The following SLC46A1 variants were observed in gnomAD, a reference collection of about 807,000 sequenced individuals.
The protein encoded by SLC46A1 is proton-coupled folate transporter.
A neutral mutation model predicts 32.1 loss-of-function variants in SLC46A1; 17 were observed. The ratio of observed to expected loss-of-function variants is 0.53; its 90% CI spans 0.36 to 0.79. The LOEUF (loss-of-function observed/expected upper bound fraction) is 0.79. Ranked by LOEUF, SLC46A1 falls within the 30% of genes least tolerant of loss-of-function variation. The pLI is 0.00. For synonymous variants in SLC46A1, 240 were observed against 262.7 expected, an observed-to-expected ratio of 0.91 and a Z score of 0.84; for missense variants, 517 against 588.2, an observed-to-expected ratio of 0.88 and a Z score of 1.25.
At position 28,406,056 on chromosome 17, in the gene SLC46A1, A is replaced by G. The variant is rs1201319484; in HGVS notation, c.59T>C (p.Leu20Pro). The G allele has an allele frequency of 7.5e-6, 12 of 1,601,896 alleles. No homozygotes were observed. The highest frequency in any genetic ancestry group is 1.0e-5 in the Non-Finnish European group (12 of 1,176,008). The change falls in exon 1 of 5, where the codon CTG becomes CCG. Residue 20 changes from leucine (L) to proline (P), a missense_variant. By Grantham distance (98) the Leu-to-Pro change is moderately conservative (BLOSUM62 -3). Transcript: ENST00000612814. The surrounding 1 kb of genome is among the most constrained non-coding windows in gnomAD (Gnocchi z 4.5). ...CAGCGGCTCTACCGGGCCCCGGCAC[A>G]GCACGGCAGCCGCAGGGCGGGCGCG... ...KPRARPAAAVLCRGPVEPLVF... is the reference protein window; with the variant it reads ...KPRARPAAAVPCRGPVEPLVF...
rs1216351372 is a variant in SLC46A1, at chr17:28,395,088, G to A, written c.*4568C>T. 2 of 151,652 alleles carry A rather than the reference G, an allele frequency of 1.3e-5. No homozygotes were observed. Among genetic ancestry groups the A allele is most frequent in the African/African-American group, 4.8e-5 (2 of 41,262 alleles). 9.4% of individuals were successfully genotyped at this position (151,652 alleles called of 1,614,324 possible). On this transcript the variant is annotated 3_prime_UTR_variant, in exon 5 of 5. Transcript: ENST00000612814. Reference sequence around the variant, plus strand: ...ACTCAGGCTGCAGAGACCAATTCCTGTCAAGGCTCAGAATAACTTAAAGTT... The same window carrying A: ...ACTCAGGCTGCAGAGACCAATTCCTATCAAGGCTCAGAATAACTTAAAGTT...
chr17:28,402,138 G>C (rs1369934181), intron 3 of SLC46A1, 100 bp downstream of exon 3: 3 of 1,012,336 alleles, frequency 3.0e-6, no homozygotes, highest in Admixed American at 2.4e-5. Flanking sequence ...AGGGTGAGAG[G>C]GGGGAAGGCA....
rs2142443144 is a variant in SLC46A1 at position 28,395,910 on chromosome 17, T to C, written c.*3746A>G. 1 of 1,613,776 alleles carries C rather than the reference T, an allele frequency of 6.2e-7. No individual in the cohort carries two copies. The highest frequency in any genetic ancestry group is 8.5e-7 in the Non-Finnish European group (1 of 1,179,844). ...CCTTTCCTTTCTTTCTCCAGGAGATTGTGACTGCTTTAAGCTGCGGCAAGA... is the reference window on the plus strand; with the variant it reads ...CCTTTCCTTTCTTTCTCCAGGAGATCGTGACTGCTTTAAGCTGCGGCAAGA... On this transcript the variant is annotated 3_prime_UTR_variant, in exon 5 of 5. Transcript: ENST00000612814.
At chr17:28,402,934 C>T (rs577666364) in intron 2 of SLC46A1, 5 of 152,344 alleles carry the variant, frequency 3.3e-5, no homozygotes, top group East Asian at 1.9e-4. Context: ...CCCTAAATGC[C>T]GTCACACATA....
chr17:28,405,675 G>A, intron 1 of SLC46A1: 1 of 960,898 alleles, frequency 1.0e-6, no homozygotes. Flanking sequence ...CCCCCCTTTT[G>A]TTAACCTGCA....
intron 2 of SLC46A1, 51 bp downstream of exon 2, chr17:28,404,565 T>A (rs1253080978): frequency 6.2e-7 from 1 of 1,605,080 alleles, no homozygotes; most frequent in Non-Finnish European, 8.5e-7. Flanking sequence ...CGGCCCCCAG[T>A]TCTTACCCAG....
chr17:28,395,788 G>A lies in SLC46A1; in HGVS notation c.*3868C>T, dbSNP rs2068113694. ...AGGTAGACATCAAGGTGGACATCAGGACTGGTGTCCTGCCCTGGGCCCAGC... is the reference window on the plus strand; with the variant it reads ...AGGTAGACATCAAGGTGGACATCAGAACTGGTGTCCTGCCCTGGGCCCAGC... On this transcript the variant is annotated 3_prime_UTR_variant, in exon 5 of 5. Transcript: ENST00000612814. 9.4e-7 allele frequency: 1 copy of A among 1,061,320 alleles called. No individual in the cohort carries two copies. The allele number at this position is 1,061,320 out of a possible 1,614,324, so 65.7% of individuals were successfully genotyped here. A position where few individuals can be genotyped will look rare whatever the true frequency, so the allele number is the denominator to read the frequency against.
rs1252727000 is a variant in SLC46A1 at position 28,398,640 on chromosome 17, G to A, written c.*1016C>T. 2.0e-5 allele frequency: 3 copies of A among 152,518 alleles called. No individual in the cohort carries two copies. Among genetic ancestry groups the A allele is most frequent in the Admixed American group, 2.0e-4 (3 of 15,278 alleles). The allele number at this position is 152,518 out of a possible 1,614,324, so 9.4% of individuals were successfully genotyped here. On this transcript the variant is annotated 3_prime_UTR_variant, in exon 5 of 5. Coordinates refer to ENST00000612814, the MANE Select transcript of SLC46A1 (RefSeq NM_080669.6). ...GATCCTCCCCCTACTTCTCCCCAAG[G>A]GCCAAGAACTGCTCAGGGACATTAA...
At position 28,396,062 on chromosome 17, in the gene SLC46A1, T is replaced by C; in HGVS notation, c.*3594A>G. The C allele has an allele frequency of 6.2e-7, 1 of 1,613,266 alleles. No homozygotes were observed. Among genetic ancestry groups the C allele is most frequent in the African/African-American group, 1.3e-5 (1 of 74,888 alleles). On this transcript the variant is annotated 3_prime_UTR_variant, in exon 5 of 5. Transcript: ENST00000612814. Reference sequence around the variant, plus strand: ...GGGCCCTGGGACCAGGGGGGTAGGGTACAAATCACCATGACAGGCAGAGTG... The same window carrying C: ...GGGCCCTGGGACCAGGGGGGTAGGGCACAAATCACCATGACAGGCAGAGTG...
Position 28,396,275 on chromosome 17 carries a change from G to T in SLC46A1, c.*3381C>A, listed in dbSNP as rs1372480719. On this transcript the variant is annotated 3_prime_UTR_variant, in exon 5 of 5. Transcript: ENST00000612814. ...CAGTTTGGAGGGTGCTGCACCCATG[G>T]GTCCAACCTAACCAGTCCCCAGTTC... 1 of 1,613,792 alleles carries T rather than the reference G, an allele frequency of 6.2e-7. No homozygotes were observed. The highest frequency in any genetic ancestry group is 1.3e-5 in the African/African-American group (1 of 74,896).
chr17:28,404,631 G>A lies in SLC46A1; in HGVS notation c.1066C>T (p.Pro356Ser). 1.2e-6 allele frequency: 2 copies of A among 1,610,784 alleles called. No homozygotes were observed. Among genetic ancestry groups the A allele is most frequent in the Admixed American group, 1.7e-5 (1 of 59,886 alleles). The change falls in exon 2 of 5, where the codon CCT becomes TCT. Residue 356 changes from proline to serine, a missense_variant. Pro to Ser is a moderately conservative substitution (Grantham distance 74, BLOSUM62 -1). Coordinates refer to ENST00000612814, the MANE Select transcript of SLC46A1 (RefSeq NM_080669.6). ...CACACTTTACCTGTGAACATGAGAG[G>A]CGTGATAGTGGCAAAGGCAAAGACC... ...MVVFAFATIT[P>S]LMFTGYGLLF... is the part of the protein sequence containing the mutation.
Position 28,405,420 on chromosome 17 carries a change from C to A in SLC46A1, c.277G>T (p.Gly93Cys). The change falls in exon 2 of 5, where the codon GGC becomes TGC. Residue 93 changes from glycine (G) to cysteine (C), a missense_variant. By Grantham distance (159) the Gly-to-Cys change is radical. Coordinates refer to ENST00000612814, the MANE Select transcript of SLC46A1 (RefSeq NM_080669.6). ...SHWTLYMNVG[G>C]FLVGLFSSTL... ...GACGAGAAGAGCCCCACCAGGAAGC[C>A]GCCCACGTTCATGTAGAGGGTCCAG... 1 of 1,592,036 alleles carries A rather than the reference C, an allele frequency of 6.3e-7. No individual in the cohort carries two copies. Among genetic ancestry groups the A allele is most frequent in the Non-Finnish European group, 8.5e-7 (1 of 1,170,052 alleles).
At chr17:28,404,004 C>A (rs1332483488) in intron 2 of SLC46A1, 1 of 154,974 alleles carries the variant, frequency 6.5e-6, no homozygotes, top group Non-Finnish European at 1.4e-5. Flanking sequence ...CAAAGCGAGA[C>A]CCTGTCTCTA....
At position 28,405,283 on chromosome 17, in the gene SLC46A1, C is replaced by T. The variant is rs376191377; in HGVS notation, c.414G>A (p.Gln138=). The T allele has an allele frequency of 1.1e-4, 174 of 1,587,492 alleles. No homozygotes were observed. In the African/African-American group the frequency reaches 2.1e-3, roughly 19 times the overall value. Reference sequence around the variant, plus strand: ...CCAGCACGAAGTAGCCGACGTGGAGCTGCAGCTGCACCACAAAAACGGACA... The same window carrying T: ...CCAGCACGAAGTAGCCGACGTGGAGTTGCAGCTGCACCACAAAAACGGACA... ...ALVSVFVVQL[Q]LHVGYFVLGR... The change falls in exon 2 of 5, where the codon CAG becomes CAA. Residue 138 remains glutamine, a synonymous_variant. Transcript: ENST00000612814.
chr17:28,396,357 A>C lies in SLC46A1; in HGVS notation c.*3299T>G. Reference sequence around the variant, plus strand: ...TCCTTTCTGAAGGAACAGCTCCTGAAACCAGTCTCCCTGGGCTGAGACAAC... The same window carrying C: ...TCCTTTCTGAAGGAACAGCTCCTGACACCAGTCTCCCTGGGCTGAGACAAC... On this transcript the variant is annotated 3_prime_UTR_variant, in exon 5 of 5. Coordinates refer to ENST00000612814, the MANE Select transcript of SLC46A1 (RefSeq NM_080669.6). The C allele has an allele frequency of 6.3e-7, 1 of 1,587,034 alleles. No homozygotes were observed. Among genetic ancestry groups the C allele is most frequent in the South Asian group, 1.1e-5 (1 of 89,472 alleles).
chr17:28,396,339 T>C lies in SLC46A1; in HGVS notation c.*3317A>G. The C allele has an allele frequency of 6.2e-7, 1 of 1,605,512 alleles. No individual in the cohort carries two copies. On this transcript the variant is annotated 3_prime_UTR_variant, in exon 5 of 5. Transcript: ENST00000612814. ...TGACTTCCATTTCCATCGTCCTTTCTGAAGGAACAGCTCCTGAAACCAGTC... is the reference window on the plus strand; with the variant it reads ...TGACTTCCATTTCCATCGTCCTTTCCGAAGGAACAGCTCCTGAAACCAGTC...
chr17:28,397,472 A>T lies in SLC46A1; in HGVS notation c.*2184T>A, dbSNP rs2068141206. On this transcript the variant is annotated 3_prime_UTR_variant, in exon 5 of 5. Coordinates refer to ENST00000612814, the MANE Select transcript of SLC46A1 (RefSeq NM_080669.6). ...AGTCATCAGAGCAACTCTACCTGGT[A>T]TTATCATCCCCATTTTACAGATAAT... 1.3e-5 allele frequency: 2 copies of T among 152,232 alleles called. No homozygotes were observed. The highest frequency in any genetic ancestry group is 2.1e-4 in the South Asian group (1 of 4,822). The allele number at this position is 152,232 out of a possible 1,614,324, so 9.4% of individuals were successfully genotyped here.
chr17:28,399,581 G>A lies in SLC46A1; in HGVS notation c.*75C>T. On this transcript the variant is annotated 3_prime_UTR_variant, in exon 5 of 5. Transcript: ENST00000612814. The stretch of plus-strand genomic sequence containing the variant: ...AGTTGCTTGTCCTGCTGTGGGCTGG[G>A]CTTCCAGCTGCAGACCTCCAGTTGC... 6.7e-7 allele frequency: 1 copy of A among 1,494,380 alleles called. No homozygotes were observed. 92.6% of individuals were successfully genotyped at this position (1,494,380 alleles called of 1,614,324 possible).
rs782232897 is a variant in SLC46A1 at position 28,396,048 on chromosome 17, C to G, written c.*3608G>C. The stretch of plus-strand genomic sequence containing the variant: ...TCAAGTGAGCCCCAGGGCCCTGGGA[C>G]CAGGGGGGTAGGGTACAAATCACCA... On this transcript the variant is annotated 3_prime_UTR_variant, in exon 5 of 5. Coordinates refer to ENST00000612814, the MANE Select transcript of SLC46A1 (RefSeq NM_080669.6). 2 of 1,613,698 alleles carry G rather than the reference C, an allele frequency of 1.2e-6. No individual in the cohort carries two copies. Among genetic ancestry groups the G allele is most frequent in the South Asian group, 1.1e-5 (1 of 91,074 alleles).
Sources: allele counts gnomAD v4.1 joint callset, GRCh38; gene constraint gnomAD v4.1.1; non-coding constraint Gnocchi (gnomAD v3.1); transcripts MANE v1.5; gene names NCBI Gene and HGNC (gene_info 2026-07-23, HGNC 2026-07-21).